The following SERTAD2 variants were observed in gnomAD, a reference collection of about 807,000 sequenced individuals.
The protein encoded by SERTAD2 is SERTA domain-containing protein 2.
A neutral mutation model predicts 15.4 loss-of-function variants in SERTAD2; 2 were observed. The observed-to-expected ratio is 0.13, with a 90% CI of 0.05 to 0.41. The LOEUF is 0.41. Among genes scored for constraint, SERTAD2 ranks in the 10% least tolerant of loss-of-function variants. The pLI, the probability that SERTAD2 is intolerant of heterozygous loss-of-function variation, is 0.99. For missense variants in SERTAD2, 333 were observed against 409.7 expected, an observed-to-expected ratio of 0.81 and a Z score of 1.62; for synonymous variants, 180 against 178.0, an observed-to-expected ratio of 1.01 and a Z score of -0.09.
At position 64,633,716 on chromosome 2, in the gene SERTAD2, G is replaced by C. The variant is rs1402626026; in HGVS notation, c.*2211C>G. On this transcript the variant is annotated 3_prime_UTR_variant, in exon 2 of 2. Transcript: ENST00000313349. ...CCCTCACCTCAGTTACATGGTCCCT[G>C]GTCCTATTAAAGGAAATGACACACC... The C allele has an allele frequency of 6.6e-6, 1 of 152,198 alleles. No homozygotes were observed. Among genetic ancestry groups the C allele is most frequent in the Non-Finnish European group, 1.5e-5 (1 of 68,042 alleles). 9.4% of individuals were successfully genotyped at this position (152,198 alleles called of 1,614,324 possible).
At chr2:64,641,335 C>T (rs961061208) in intron 1 of SERTAD2, among the ~76,000 whole-genome samples, 4 of 152,208 alleles carry the variant, frequency 2.6e-5, no homozygotes, top group African/African-American at 9.6e-5. Flanking sequence ...ATCTGAGTGA[C>T]TCCCACAGTA....
At chr2:64,653,039 C>T (rs1467469969) in intron 1 of SERTAD2, among the ~76,000 whole-genome samples, 3 of 151,970 alleles carry the variant, frequency 2.0e-5, no homozygotes, top group African/African-American at 7.3e-5. Flanking sequence ...ACCAACGAGA[C>T]GTTAAGTTTA....
rs1674606036 is a variant in SERTAD2, at chr2:64,634,374, T to C, written c.*1553A>G. 1 of 20,312 alleles carries C rather than the reference T, an allele frequency of 4.9e-5. No homozygotes were observed. The highest frequency in any genetic ancestry group is 9.1e-5 in the Non-Finnish European group (1 of 11,034). 1.3% of individuals were successfully genotyped at this position (20,312 alleles called of 1,614,324 possible). A position where few individuals can be genotyped will look rare whatever the true frequency, so the allele number is the denominator to read the frequency against. ...CTCAAGTGTGTCCTGGGAGATAAGG[T>C]GATGGGGGGGGGAATTGGGGGGAGG... On this transcript the variant is annotated 3_prime_UTR_variant, in exon 2 of 2. Coordinates refer to ENST00000313349, the MANE Select transcript of SERTAD2 (RefSeq NM_014755.3).
chr2:64,642,051 T>C (rs1674788206), intron 1 of SERTAD2, among the ~76,000 whole-genome samples: 1 of 152,250 alleles, frequency 6.6e-6, no homozygotes. Context: ...CATTTCAAGT[T>C]TAGGCCGGAG....
intron 1 of SERTAD2, among the ~76,000 whole-genome samples, chr2:64,643,759 A>C (rs994505046): frequency 2.0e-5 from 3 of 152,156 alleles, no homozygotes; most frequent in Admixed American, 6.5e-5. Context: ...CCAGCTACTC[A>C]GGAGGCTGAG....
Position 64,633,037 on chromosome 2 carries a change from G to C in SERTAD2, c.*2890C>G, listed in dbSNP as rs138004066. On this transcript the variant is annotated 3_prime_UTR_variant, in exon 2 of 2. Coordinates refer to ENST00000313349, the MANE Select transcript of SERTAD2 (RefSeq NM_014755.3). Reference sequence around the variant, plus strand: ...GCCTGCCTGGCCCTGGATGCCATGTGATGTCTTTCATAAAGGGAAGGCACT... The same window carrying C: ...GCCTGCCTGGCCCTGGATGCCATGTCATGTCTTTCATAAAGGGAAGGCACT... 152 of 152,708 alleles carry C rather than the reference G, an allele frequency of 1.0e-3. No homozygotes were observed. The East Asian group carries it at 0.013, about 13-fold the overall frequency. 9.5% of individuals were successfully genotyped at this position (152,708 alleles called of 1,614,324 possible). A position where few individuals can be genotyped will look rare whatever the true frequency, so the allele number is the denominator to read the frequency against.
In SERTAD2 at chr2:64,632,243, C is replaced by CTTT. The variant is rs11366694; in HGVS notation, c.*3681_*3683dup. On this transcript the variant is annotated 3_prime_UTR_variant, in exon 2 of 2. Coordinates refer to ENST00000313349, the MANE Select transcript of SERTAD2 (RefSeq NM_014755.3). ...TAGCAATTGCTGCACGAAGTAGAGT[C>CTTT]TTTTTTTTTTTTTTTTTTACATTTG... 2 of 139,104 alleles carry CTTT rather than the reference C, an allele frequency of 1.4e-5. No homozygotes were observed. 8.6% of individuals were successfully genotyped at this position (139,104 alleles called of 1,614,324 possible). A position where few individuals can be genotyped will look rare whatever the true frequency, so the allele number is the denominator to read the frequency against.
intron 1 of SERTAD2, chr2:64,644,825 C>T (rs1448010690): frequency 6.6e-6 from 1 of 152,278 alleles, no homozygotes. Flanking sequence ...GGGCTGTCCC[C>T]TCCAGCACAG....
At position 64,646,102 on chromosome 2, in the gene SERTAD2, G is replaced by A. The variant is rs142234786; in HGVS notation, c.-5+7518C>T. Among the ~76,000 whole-genome samples the A allele has an allele frequency of 2.2e-3, 337 of 152,016 alleles. 2 individuals are homozygous for A. Among genetic ancestry groups the A allele is most frequent in the South Asian group, 5.8e-3 (28 of 4,808 alleles). Reference sequence around the variant, plus strand: ...CCTTAACTTAACAAAAACATAATATGCTCTGATGCCTGGAATTTGCTTTAA... The same window carrying A: ...CCTTAACTTAACAAAAACATAATATACTCTGATGCCTGGAATTTGCTTTAA... On this transcript the variant is annotated intron_variant, in intron 1 of 1. Coordinates refer to ENST00000313349, the MANE Select transcript of SERTAD2 (RefSeq NM_014755.3).
At chr2:64,641,209 C>T (rs1002493719) in intron 1 of SERTAD2, among the ~76,000 whole-genome samples, 1 of 152,170 alleles carries the variant, frequency 6.6e-6, no homozygotes, top group Non-Finnish European at 1.5e-5. Flanking sequence ...TCAAAAGCTA[C>T]AATCTGGGTA....
intron 1 of SERTAD2, among the ~76,000 whole-genome samples, chr2:64,648,111 A>G (rs562913812): frequency 6.6e-6 from 1 of 152,224 alleles, no homozygotes; most frequent in Non-Finnish European, 1.5e-5. Flanking sequence ...CTAGAGAACA[A>G]TATCACATTT....
At chr2:64,645,002 T>C (rs527383231) in intron 1 of SERTAD2, 1 of 149,272 alleles carries the variant, frequency 6.7e-6, no homozygotes, top group East Asian at 2.0e-4. Context: ...GGAGTATTAG[T>C]AACAGAACTC....
At chr2:64,638,660 C>CA (rs1456945761) in intron 1 of SERTAD2, among the ~76,000 whole-genome samples, 2 of 151,788 alleles carry the variant, frequency 1.3e-5, no homozygotes, top group African/African-American at 2.4e-5. Flanking sequence ...GAGTTACTTG[C>CA]ATGAAACATT....
chr2:64,636,770 G>A lies in SERTAD2; in HGVS notation c.102C>T (p.Thr34=). The A allele has an allele frequency of 1.2e-6, 2 of 1,614,192 alleles. No homozygotes were observed. Among genetic ancestry groups the A allele is most frequent in the South Asian group, 2.2e-5 (2 of 91,084 alleles). ...PCDGPSKVSY[T]LQRQTIFNIS... ...TGTTGAAGATAGTCTGGCGCTGTAA[G>A]GTGTAAGACACCTTGGATGGACCGT... Residue 34 remains threonine, a synonymous_variant, in exon 2 of 2, where the codon ACC becomes ACT. Coordinates refer to ENST00000313349, the MANE Select transcript of SERTAD2 (RefSeq NM_014755.3).
intron 1 of SERTAD2, among the ~76,000 whole-genome samples, chr2:64,648,756 T>C (rs1268908253): frequency 6.6e-6 from 1 of 152,188 alleles, no homozygotes; most frequent in Non-Finnish European, 1.5e-5. Context: ...GAATTTTTAA[T>C]GTGTAAACCA....
rs546993203 is a variant in SERTAD2 at position 64,634,172 on chromosome 2, C to A, written c.*1755G>T. ...TTTTTAAATAAATATAAAAGTTATTCCTAAAGAAGCCATCTGCATAACAAT... is the reference window on the plus strand; with the variant it reads ...TTTTTAAATAAATATAAAAGTTATTACTAAAGAAGCCATCTGCATAACAAT... On this transcript the variant is annotated 3_prime_UTR_variant, in exon 2 of 2. Coordinates refer to ENST00000313349, the MANE Select transcript of SERTAD2 (RefSeq NM_014755.3). 6 of 152,126 alleles carry A rather than the reference C, an allele frequency of 3.9e-5. No homozygotes were observed. The highest frequency in any genetic ancestry group is 3.9e-4 in the Admixed American group (6 of 15,278). The allele number at this position is 152,126 out of a possible 1,614,324, so 9.4% of individuals were successfully genotyped here. A position where few individuals can be genotyped will look rare whatever the true frequency, so the allele number is the denominator to read the frequency against.
rs1372050369 is a variant in SERTAD2, at chr2:64,636,422, C to T, written c.450G>A (p.Gln150=). ...GTGACAGTTTGGTGGGAGCCGTGGG[C>T]TGCATGGCCTGGGAGGTGCAAAACG... ...DDTFCTSQAM[Q]PTAPTKLSPP... Residue 150 remains glutamine (Q), a synonymous_variant, in exon 2 of 2, where the codon CAG becomes CAA. Coordinates refer to ENST00000313349, the MANE Select transcript of SERTAD2 (RefSeq NM_014755.3). The T allele has an allele frequency of 6.2e-7, 1 of 1,614,170 alleles. No homozygotes were observed. Among genetic ancestry groups the T allele is most frequent in the Admixed American group, 1.7e-5 (1 of 60,026 alleles).
At position 64,636,612 on chromosome 2, in the gene SERTAD2, G is replaced by T. The variant is rs1674666737; in HGVS notation, c.260C>A (p.Thr87Asn). ...CTCGGTGGTGGGCTGGGAGGAGGGGGTGAACATGGGCCTCAGGCTGCCTTC... is the reference window on the plus strand; with the variant it reads ...CTCGGTGGTGGGCTGGGAGGAGGGGTTGAACATGGGCCTCAGGCTGCCTTC... Reference protein sequence around the residue: ...KQEGSLRPMFTPSSQPTTEPS... With the variant: ...KQEGSLRPMFNPSSQPTTEPS... Residue 87 changes from threonine (T) to asparagine (N), a missense_variant, in exon 2 of 2, where the codon ACC becomes AAC. Thr to Asn is a moderately conservative substitution (Grantham distance 65). Transcript: ENST00000313349. The T allele has an allele frequency of 6.2e-7, 1 of 1,611,102 alleles. No homozygotes were observed.
At chr2:64,651,960 T>A (rs1423911050) in intron 1 of SERTAD2, among the ~76,000 whole-genome samples, 2 of 152,016 alleles carry the variant, frequency 1.3e-5, no homozygotes, top group African/African-American at 2.4e-5. Context: ...AACATGGTTA[T>A]GTATATTTTA....
Sources: allele counts gnomAD v4.1 joint callset (sites outside exome capture counted in the v4.1 genomes callset), GRCh38; gene constraint gnomAD v4.1.1; transcripts MANE v1.5; gene names NCBI Gene and HGNC (gene_info 2026-07-23, HGNC 2026-07-21).